Variants in CCL8 observed in about 807,000 individuals in gnomAD.
CCL8 encodes the protein C-C motif chemokine ligand 8, also known as C-C motif chemokine 8.
CCL8 carries 3 observed loss-of-function variants against 6.6 expected under a neutral mutation model. The observed-to-expected ratio is 0.45, with a 90% CI of 0.21 to 1.17. The LOEUF is 1.17. Ranked by LOEUF, CCL8 falls within the 50% of genes most tolerant of loss-of-function variation. The pLI is 0.24. For missense variants in CCL8, 127 were observed against 118.1 expected (o/e 1.08, Z -0.35); for synonymous variants, 49 against 41.8 (o/e 1.17, Z -0.67).
rs189992956 is a variant in CCL8 at position 34,320,713 on chromosome 17, G to A, written c.195-89G>A. The A allele has an allele frequency of 7.7e-5, 63 of 815,320 alleles. No individual in the cohort carries two copies. The Admixed American group carries it at 8.6e-4, about 11-fold the overall frequency. The allele number at this position is 815,320 out of a possible 1,614,324, so 50.5% of individuals were successfully genotyped here. A position where few individuals can be genotyped will look rare whatever the true frequency, so the allele number is the denominator to read the frequency against. On this transcript the variant is annotated intron_variant, in intron 2 of 2. Transcript: ENST00000394620. Reference sequence around the variant, plus strand: ...TCCGGGTCCTTCACCTAAGGACCAAGGGCTGATCAGTTCTAGGGACCAATG... The same window carrying A: ...TCCGGGTCCTTCACCTAAGGACCAAAGGCTGATCAGTTCTAGGGACCAATG...
chr17:34,319,630 A>G lies in CCL8; in HGVS notation c.76+53A>G. On this transcript the variant is annotated intron_variant, in intron 1 of 2. Transcript: ENST00000394620. The stretch of plus-strand genomic sequence containing the variant: ...ACCAAAAGAGGAATTAAGAAGAGCC[A>G]TTATGTCACAGCTCATTAGGAACAA... The G allele has an allele frequency of 2.3e-6, 3 of 1,332,710 alleles. No individual in the cohort carries two copies. In the South Asian group the frequency reaches 3.6e-5, roughly 16 times the overall value. 82.6% of individuals were successfully genotyped at this position (1,332,710 alleles called of 1,614,324 possible). A position where few individuals can be genotyped will look rare whatever the true frequency, so the allele number is the denominator to read the frequency against.
In CCL8 at chr17:34,321,094, A is replaced by G. The variant is rs983363876; in HGVS notation, c.*187A>G. 6 of 505,282 alleles carry G rather than the reference A, an allele frequency of 1.2e-5. No individual in the cohort carries two copies. The highest frequency in any genetic ancestry group is 1.7e-5 in the Non-Finnish European group (5 of 294,520). 31.3% of individuals were successfully genotyped at this position (505,282 alleles called of 1,614,324 possible). On this transcript the variant is annotated 3_prime_UTR_variant, in exon 3 of 3. Coordinates refer to ENST00000394620, the MANE Select transcript of CCL8 (RefSeq NM_005623.3). ...TTTAAGTTGTTGATGTTTTAACTCT[A>G]TCTGTCATACATCCTAGTGAATGTA...
chr17:34,319,693 C>G (rs1263896210), intron 1 of CCL8, 116 bp downstream of exon 1: 1 of 760,326 alleles, frequency 1.3e-6, no homozygotes, highest in African/African-American at 1.8e-5. Context: ...AGGCTGGTTC[C>G]CTTGATCTTT....
intron 2 of CCL8, 128 bp from the exon 3 acceptor site, chr17:34,320,674 C>T (rs1909492593): frequency 4.8e-6 from 3 of 630,374 alleles, no homozygotes; most frequent in South Asian, 2.1e-5. Context: ...TCTTCCCCTC[C>T]CTCCTCTCCC....
intron 1 of CCL8, 134 bp from the exon 2 acceptor site, chr17:34,320,135 C>T: frequency 1.6e-6 from 1 of 627,532 alleles, no homozygotes; most frequent in East Asian, 2.7e-5. Context: ...AACATTTTAT[C>T]TCTGGGATCT....
Position 34,321,195 on chromosome 17 carries a change from T to C in CCL8, c.*288T>C, listed in dbSNP as rs1909515119. On this transcript the variant is annotated 3_prime_UTR_variant, in exon 3 of 3. Coordinates refer to ENST00000394620, the MANE Select transcript of CCL8 (RefSeq NM_005623.3). ...CAACTAAGTTCACGGCAAAATGTCATTGTTCTCCCTCCTACCTGTCTGTAG... is the reference window on the plus strand; with the variant it reads ...CAACTAAGTTCACGGCAAAATGTCACTGTTCTCCCTCCTACCTGTCTGTAG... 1 of 313,944 alleles carries C rather than the reference T, an allele frequency of 3.2e-6. No homozygotes were observed. Among genetic ancestry groups the C allele is most frequent in the Non-Finnish European group, 5.8e-6 (1 of 173,372 alleles). 19.4% of individuals were successfully genotyped at this position (313,944 alleles called of 1,614,324 possible).
intron 2 of CCL8, among the ~76,000 whole-genome samples, 163 bp from the exon 3 acceptor site, chr17:34,320,639 T>A (rs1238860877): frequency 2.6e-5 from 4 of 152,154 alleles, no homozygotes; most frequent in African/African-American, 9.7e-5. Flanking sequence ...GAGCAGAGCT[T>A]CCTTCTGGAG....
chr17:34,320,447 A>G lies in CCL8; in HGVS notation c.194+61A>G, dbSNP rs1158404699. ...TTCTGATGGACAACATAGAGAAGTC[A>G]AGATTCATGTCCATATGAGTCGGAT... On this transcript the variant is annotated intron_variant, in intron 2 of 2. Transcript: ENST00000394620. The G allele has an allele frequency of 1.9e-5, 20 of 1,063,118 alleles. No individual in the cohort carries two copies. The Admixed American group carries it at 3.1e-4, about 16-fold the overall frequency. 65.9% of individuals were successfully genotyped at this position (1,063,118 alleles called of 1,614,324 possible).
At chr17:34,320,478 TA>T in intron 2 of CCL8, 92 bp downstream of exon 2, 1 of 842,830 alleles carries the variant, frequency 1.2e-6, no homozygotes, top group Non-Finnish European at 2.0e-6. Context: ...CGGATGCATA[TA>T]ACTTCTATCC....
chr17:34,321,138 A>G lies in CCL8; in HGVS notation c.*231A>G. On this transcript the variant is annotated 3_prime_UTR_variant, in exon 3 of 3. Coordinates refer to ENST00000394620, the MANE Select transcript of CCL8 (RefSeq NM_005623.3). Reference sequence around the variant, plus strand: ...GAATGTAAAATGCAAAATCCTGGTGATGTGTTTTTTGTTTTTGTTTTCCTG... The same window carrying G: ...GAATGTAAAATGCAAAATCCTGGTGGTGTGTTTTTTGTTTTTGTTTTCCTG... 4.7e-6 allele frequency: 2 copies of G among 421,226 alleles called. No homozygotes were observed. Among genetic ancestry groups the G allele is most frequent in the Non-Finnish European group, 8.2e-6 (2 of 243,486 alleles). 26.1% of individuals were successfully genotyped at this position (421,226 alleles called of 1,614,324 possible).
chr17:34,320,236 T>TC, intron 1 of CCL8, 33 bp from the exon 2 acceptor site: 1 of 1,374,894 alleles, frequency 7.3e-7, no homozygotes, highest in Non-Finnish European at 1.0e-6. Flanking sequence ...CGGTGGGTCC[T>TC]AAATGTCTCA....
chr17:34,319,456 G>T lies in CCL8; in HGVS notation c.-46G>T. On this transcript the variant is annotated 5_prime_UTR_variant, in exon 1 of 3. Coordinates refer to ENST00000394620, the MANE Select transcript of CCL8 (RefSeq NM_005623.3). ...GAGCAGAGAGGTTGAGAACAACCCAGAAACCTTCACCTCTCATGCTGAAGC... is the reference window on the plus strand; with the variant it reads ...GAGCAGAGAGGTTGAGAACAACCCATAAACCTTCACCTCTCATGCTGAAGC... The T allele has an allele frequency of 6.3e-7, 1 of 1,576,930 alleles. No homozygotes were observed. The highest frequency in any genetic ancestry group is 8.7e-7 in the Non-Finnish European group (1 of 1,147,216).
intron 2 of CCL8, 49 bp downstream of exon 2, chr17:34,320,435 C>A: frequency 8.5e-7 from 1 of 1,173,110 alleles, no homozygotes; most frequent in Non-Finnish European, 1.3e-6. Context: ...TGATGGACAA[C>A]ATAGAGAAGT....
In CCL8 at chr17:34,320,805, C is replaced by T. The variant is rs200570578; in HGVS notation, c.198C>T (p.Phe66=). 3.1e-6 allele frequency: 5 copies of T among 1,601,208 alleles called. No individual in the cohort carries two copies. The highest frequency in any genetic ancestry group is 4.3e-6 in the Non-Finnish European group (5 of 1,174,456). ...NIQCPKEAVI[F]KTKRGKEVCA... is the part of the protein sequence containing the mutation. ...TTGTGCCCTCTCTCCCCCACAGCTT[C>T]AAGACCAAACGGGGCAAGGAGGTCT... The change falls in exon 3 of 3, where the codon TTC becomes TTT. Residue 66 remains phenylalanine (F), a synonymous_variant. Transcript: ENST00000394620.
Position 34,320,978 on chromosome 17 carries a change from G to T in CCL8, c.*71G>T. The T allele has an allele frequency of 1.2e-6, 1 of 808,580 alleles. No homozygotes were observed. The highest frequency in any genetic ancestry group is 2.0e-6 in the Non-Finnish European group (1 of 494,654). The allele number at this position is 808,580 out of a possible 1,614,324, so 50.1% of individuals were successfully genotyped here. A position where few individuals can be genotyped will look rare whatever the true frequency, so the allele number is the denominator to read the frequency against. On this transcript the variant is annotated 3_prime_UTR_variant, in exon 3 of 3. Transcript: ENST00000394620. ...TTATTTTCCCCAACCTCCCCCAGGT[G>T]CAGTGTGACATTATTTTATTATAAC...
At chr17:34,320,232 G>C (rs199777467) in intron 1 of CCL8, 37 bp from the exon 2 acceptor site, 6 of 1,234,214 alleles carry the variant, frequency 4.9e-6, no homozygotes, top group African/African-American at 1.5e-5. Flanking sequence ...CTTACGGTGG[G>C]TCCTAAATGT....
chr17:34,319,724 G>A, intron 1 of CCL8, 147 bp downstream of exon 1: 1 of 608,588 alleles, frequency 1.6e-6, no homozygotes, highest in Non-Finnish European at 2.9e-6. Flanking sequence ...GTTTTGGGAG[G>A]AGACAGTGGA....
In CCL8 at chr17:34,321,208, T is replaced by G; in HGVS notation, c.*301T>G. The G allele has an allele frequency of 3.3e-6, 1 of 299,486 alleles. No individual in the cohort carries two copies. Among genetic ancestry groups the G allele is most frequent in the Non-Finnish European group, 6.1e-6 (1 of 163,122 alleles). The allele number at this position is 299,486 out of a possible 1,614,324, so 18.6% of individuals were successfully genotyped here. On this transcript the variant is annotated 3_prime_UTR_variant, in exon 3 of 3. Transcript: ENST00000394620. ...GGCAAAATGTCATTGTTCTCCCTCC[T>G]ACCTGTCTGTAGTGTTGTGGGGTCC...
Position 34,321,230 on chromosome 17 carries a change from G to T in CCL8, c.*323G>T, listed in dbSNP as rs1248050539. On this transcript the variant is annotated 3_prime_UTR_variant, in exon 3 of 3. Transcript: ENST00000394620. ...TCCTACCTGTCTGTAGTGTTGTGGG[G>T]TCCTCCCATGGATCATCAAGGTGAA... is the stretch of plus-strand genomic sequence containing the variant. 1 of 263,630 alleles carries T rather than the reference G, an allele frequency of 3.8e-6. No homozygotes were observed. Among genetic ancestry groups the T allele is most frequent in the Non-Finnish European group, 7.1e-6 (1 of 141,312 alleles). The allele number at this position is 263,630 out of a possible 1,614,324, so 16.3% of individuals were successfully genotyped here.
Sources: gnomAD v4.1 joint callset for allele counts (sites outside exome capture counted in the v4.1 genomes callset) on GRCh38, gnomAD v4.1.1 for gene constraint, MANE v1.5 for transcripts, NCBI Gene and HGNC (gene_info 2026-07-23, HGNC 2026-07-21) for gene names.